The following ATP2C2 variants were observed in gnomAD, a reference collection of about 807,000 sequenced individuals.
ATP2C2 encodes the protein ATPase secretory pathway Ca2+ transporting 2.
In ATP2C2, 171 loss-of-function variants were observed where a neutral mutation model predicts 110.8. The observed-to-expected ratio is 1.54, with a 90% CI of 1.36 to 1.75. The LOEUF (loss-of-function observed/expected upper bound fraction) is 1.75, where lower values mean the gene tolerates loss of function less well. Ranked by LOEUF, ATP2C2 falls within the 40% of genes most tolerant of loss-of-function variation. The probability of loss-of-function intolerance (pLI) is 0.00; values close to 1 mark genes in which losing one functional copy is unlikely to be tolerated. For missense variants in ATP2C2, 1,963 were observed against 1,235.0 expected (o/e 1.59, Z -8.84); for synonymous variants, 804 against 508.4 (o/e 1.58, Z -7.82).
chr16:84,438,791 C>T (rs1224918137), intron 11 of ATP2C2, among the ~76,000 whole-genome samples: 1 of 152,228 alleles, frequency 6.6e-6, no homozygotes, highest in Non-Finnish European at 1.5e-5. Flanking sequence ...ACCAAAAACT[C>T]TTAATCCCAC....
intron 1 of ATP2C2, among the ~76,000 whole-genome samples, chr16:84,380,360 C>G (rs1050308435): frequency 4.6e-5 from 7 of 152,054 alleles, no homozygotes; most frequent in Admixed American, 4.6e-4. Flanking sequence ...TTTTTTTCTT[C>G]TTTCCCTTTT....
chr16:84,388,813 C>G (rs1457479812), intron 1 of ATP2C2, among the ~76,000 whole-genome samples: 1 of 152,106 alleles, frequency 6.6e-6, no homozygotes, highest in Non-Finnish European at 1.5e-5. Context: ...CGCTCTGTTG[C>G]CAGGCTAGAG....
chr16:84,454,121 G>A (rs770945412), intron 20 of ATP2C2, among the ~76,000 whole-genome samples: 1 of 152,050 alleles, frequency 6.6e-6, no homozygotes, highest in South Asian at 2.1e-4. Flanking sequence ...GTGCTTTTTG[G>A]CTTTATTCCT....
intron 18 of ATP2C2, 148 bp downstream of exon 18, chr16:84,452,239 G>A (rs1451312206): frequency 9.8e-7 from 1 of 1,024,858 alleles, no homozygotes; most frequent in East Asian, 2.6e-5. Flanking sequence ...GAGTATTCGT[G>A]TGCCAGCATT....
At position 84,447,184 on chromosome 16, in the gene ATP2C2, C is replaced by T. The variant is rs536946148; in HGVS notation, c.1503+754C>T. 3.2e-4 allele frequency among the ~76,000 whole-genome samples: 48 copies of T among 152,294 alleles called. No individual in the cohort carries two copies. The South Asian group carries it at 8.5e-3, about 27-fold the overall frequency. On this transcript the variant is annotated intron_variant, in intron 16 of 26. Transcript: ENST00000262429. ...TCTTTCTAGAATCTATCATGTCTGC[C>T]CACGCAGACTGCTCAGCTCCCACTC...
intron 21 of ATP2C2, among the ~76,000 whole-genome samples, chr16:84,458,619 G>C (rs960351797): frequency 2.0e-5 from 3 of 152,144 alleles, no homozygotes; most frequent in African/African-American, 7.2e-5. Context: ...CTACATTAGT[G>C]ACCCCAGGTC....
At chr16:84,440,541 C>T (rs910213317) in intron 13 of ATP2C2, among the ~76,000 whole-genome samples, 12 of 152,222 alleles carry the variant, frequency 7.9e-5, no homozygotes. Flanking sequence ...CAAAGGCTAA[C>T]ACGTTTACCC....
intron 7 of ATP2C2, among the ~76,000 whole-genome samples, chr16:84,418,719 C>G (rs561588604): frequency 3.3e-5 from 5 of 152,190 alleles, no homozygotes; most frequent in African/African-American, 1.2e-4. Context: ...ACCCCCAGGA[C>G]GTTCTCTCTC....
Position 84,419,408 on chromosome 16 carries a change from C to G in ATP2C2, c.625-2982C>G, listed in dbSNP as rs182693264. 1.2e-3 allele frequency among the ~76,000 whole-genome samples: 180 copies of G among 152,164 alleles called. 3 individuals carry two copies. Among genetic ancestry groups the G allele is most frequent in the Non-Finnish European group, 1.2e-4 (8 of 68,014 alleles). ...GACACATCTCCAACCCTCCGTCCTC[C>G]CCTCCCTTATGAGGACCCTCGTGAT... On this transcript the variant is annotated intron_variant, in intron 7 of 26. Coordinates refer to ENST00000262429, the MANE Select transcript of ATP2C2 (RefSeq NM_014861.4).
At chr16:84,387,319 C>G (rs981840155) in intron 1 of ATP2C2, among the ~76,000 whole-genome samples, 2 of 152,106 alleles carry the variant, frequency 1.3e-5, no homozygotes, top group Admixed American at 6.5e-5. Flanking sequence ...CTCAGGAATT[C>G]AAGACCAGCC....
Position 84,439,452 on chromosome 16 carries a change from C to A in ATP2C2, c.1137C>A (p.Asp379Glu), listed in dbSNP as rs746597904. Reference sequence around the variant, plus strand: ...GTTGCTGCAGCGTTCTCTGTTCTGACAAGACGGGGACTCTGACTGCCAATG... The same window carrying A: ...GTTGCTGCAGCGTTCTCTGTTCTGAAAAGACGGGGACTCTGACTGCCAATG... The part of the protein sequence containing the change: ...TLGCCSVLCS[D>E]KTGTLTANEM... The change falls in exon 13 of 27, where the codon GAC becomes GAA. Residue 379 changes from aspartate to glutamate, a missense_variant. Asp to Glu is a conservative substitution (Grantham distance 45). Transcript: ENST00000262429. The A allele has an allele frequency of 1.2e-6, 2 of 1,614,138 alleles. No individual in the cohort carries two copies. The highest frequency in any genetic ancestry group is 2.2e-5 in the East Asian group (1 of 44,880).
chr16:84,446,493 G>A, intron 16 of ATP2C2, 63 bp downstream of exon 16: 1 of 1,166,078 alleles, frequency 8.6e-7, no homozygotes, highest in Non-Finnish European at 1.2e-6. Context: ...CAGAGATAAA[G>A]CAAAATGCAG....
chr16:84,422,827 C>A, intron 9 of ATP2C2, 130 bp downstream of exon 9: 1 of 1,048,874 alleles, frequency 9.5e-7, no homozygotes, highest in Non-Finnish European at 1.4e-6. Flanking sequence ...ACTTTTTAAA[C>A]ATTTAATTTT....
chr16:84,458,627 G>C (rs1205429250), intron 21 of ATP2C2, among the ~76,000 whole-genome samples: 1 of 152,214 alleles, frequency 6.6e-6, no homozygotes, highest in Admixed American at 6.5e-5. Context: ...GTGACCCCAG[G>C]TCAAGGTTTA....
At chr16:84,444,071 G>A (rs1296454322) in intron 15 of ATP2C2, among the ~76,000 whole-genome samples, 1 of 149,992 alleles carries the variant, frequency 6.7e-6, no homozygotes, top group Non-Finnish European at 1.5e-5. Flanking sequence ...GGAGGCTGAG[G>A]CAGGAGGATC....
At chr16:84,401,026 C>T (rs1368625499) in intron 2 of ATP2C2, among the ~76,000 whole-genome samples, 1 of 152,118 alleles carries the variant, frequency 6.6e-6, no homozygotes, top group Non-Finnish European at 1.5e-5. Flanking sequence ...GTTGTCTCTT[C>T]ACTTTGTTGA....
At chr16:84,428,118 G>A (rs1907952569) in intron 11 of ATP2C2, among the ~76,000 whole-genome samples, 1 of 152,190 alleles carries the variant, frequency 6.6e-6, no homozygotes, top group East Asian at 1.9e-4. Flanking sequence ...CTGGTGGATT[G>A]AGGCATCCCA....
chr16:84,413,989 G>A (rs1019194415), intron 6 of ATP2C2, among the ~76,000 whole-genome samples: 1 of 152,048 alleles, frequency 6.6e-6, no homozygotes, highest in African/African-American at 2.4e-5. Context: ...AATTGTCCAG[G>A]TACACAAAAG....
chr16:84,442,429 TA>T, intron 14 of ATP2C2, 80 bp from the exon 15 acceptor site: 2 of 1,375,496 alleles, frequency 1.5e-6, no homozygotes, highest in Non-Finnish European at 2.1e-6. Context: ...ACCCCAGCTG[TA>T]AAAATGGGAC....
Sources: allele counts gnomAD v4.1 joint callset (sites outside exome capture counted in the v4.1 genomes callset), GRCh38; gene constraint gnomAD v4.1.1; transcripts MANE v1.5; gene names NCBI Gene and HGNC (gene_info 2026-07-23, HGNC 2026-07-21).